Variants in TNS3 observed in about 807,000 individuals in gnomAD.
The protein encoded by TNS3 is tensin-3.
A neutral mutation model predicts 140.9 loss-of-function variants in TNS3; 45 were observed. That is an observed-to-expected ratio of 0.32 (90% CI 0.25 to 0.41). The LOEUF (loss-of-function observed/expected upper bound fraction) is 0.41, where lower values mean the gene tolerates loss of function less well. TNS3 is among the 10% of genes least tolerant of loss of function. The pLI is 1.00. For synonymous variants in TNS3, 815 were observed against 788.4 expected (o/e 1.03, Z -0.56); for missense variants, 1,716 against 1,906.7 (o/e 0.90, Z 1.86).
chr7:47,422,610 T>C (rs1794430444), intron 10 of TNS3, among the ~76,000 whole-genome samples: 1 of 147,140 alleles, frequency 6.8e-6, no homozygotes, highest in Non-Finnish European at 1.5e-5. Context: ...AACACTCTGT[T>C]TCAAAAAAAG....
chr7:47,312,219 C>G (rs1255327777), intron 20 of TNS3, among the ~76,000 whole-genome samples: 2 of 152,162 alleles, frequency 1.3e-5, no homozygotes, highest in Admixed American at 1.3e-4. Context: ...GCCCCTCCTC[C>G]CAGTATGGCC....
chr7:47,444,719 GC>G (rs1795641548), intron 4 of TNS3, among the ~76,000 whole-genome samples: 1 of 152,064 alleles, frequency 6.6e-6, no homozygotes. Flanking sequence ...ATCCAATTCA[GC>G]ATTATAGGCC....
chr7:47,309,415 A>G lies in TNS3; in HGVS notation c.2651-4412T>C, dbSNP rs181396775. On this transcript the variant is annotated intron_variant, in intron 20 of 30. Coordinates refer to ENST00000311160, the MANE Select transcript of TNS3 (RefSeq NM_022748.12). ...AAAAAGAGCAAAAAAAAAATATGCT[A>G]TGAGAGTATGTTTAAAACATAACTG... Among the ~76,000 whole-genome samples, 106 of 152,312 alleles carry G rather than the reference A, an allele frequency of 7.0e-4. 1 individual carries two copies. The highest frequency in any genetic ancestry group is 2.5e-3 in the African/African-American group (103 of 41,568).
At chr7:47,340,111 ATATATTTTTTT>A (rs1258297578) in intron 20 of TNS3, among the ~76,000 whole-genome samples, 1 of 42,354 alleles carries the variant, frequency 2.4e-5, no homozygotes, top group Non-Finnish European at 4.5e-5. Context: ...ATATATATAT[ATATATTTTTTT>A]TTTTTTTTTT....
chr7:47,521,989 C>T (rs912416311), intron 2 of TNS3, among the ~76,000 whole-genome samples: 2 of 152,132 alleles, frequency 1.3e-5, no homozygotes, highest in Admixed American at 6.5e-5. Flanking sequence ...GAGGTCTGCA[C>T]GGCGATGGAG....
intron 4 of TNS3, among the ~76,000 whole-genome samples, chr7:47,454,686 C>T (rs1266165967): frequency 6.6e-6 from 1 of 152,126 alleles, no homozygotes; most frequent in African/African-American, 2.4e-5. Context: ...TGACAGAAAA[C>T]AGGCCGAGCC....
In TNS3 at chr7:47,411,798, C is replaced by G. The variant is rs779298838; in HGVS notation, c.652G>C (p.Val218Leu). Residue 218 changes from valine (V) to leucine (L), a missense_variant, in exon 13 of 31, where the codon GTT becomes CTT. By Grantham distance (32) the Val-to-Leu change is conservative. This residue lies in a region of TNS3 where 337 missense variants were observed against 428.9 expected (regional missense o/e 0.79). Coordinates refer to ENST00000311160, the MANE Select transcript of TNS3 (RefSeq NM_022748.12). ...ATCCTGCTGGGGTTTTCTGGGCCAA[C>G]GTTGCTTTGGGATGAAGAAGAAGGT... ...QPVYTSGIYNVGPENPSRICI... is the reference protein window; with the variant it reads ...QPVYTSGIYNLGPENPSRICI... The G allele has an allele frequency of 3.0e-5, 48 of 1,613,172 alleles. No homozygotes were observed. The highest frequency in any genetic ancestry group is 3.9e-5 in the Non-Finnish European group (46 of 1,179,676).
chr7:47,342,994 C>A (rs1488953754), intron 20 of TNS3, among the ~76,000 whole-genome samples: 4 of 152,178 alleles, frequency 2.6e-5, no homozygotes, highest in Non-Finnish European at 5.9e-5. Context: ...CTGGGGACTG[C>A]TGAAATAAAA....
intron 16 of TNS3, among the ~76,000 whole-genome samples, chr7:47,390,116 C>G (rs1047119892): frequency 1.3e-5 from 2 of 152,180 alleles, no homozygotes; most frequent in South Asian, 2.1e-4. Context: ...CAACAAGGAC[C>G]GAGGCTGCAG....
At chr7:47,287,385 A>G (rs1339464430) in intron 27 of TNS3, among the ~76,000 whole-genome samples, 3 of 152,202 alleles carry the variant, frequency 2.0e-5, no homozygotes, top group African/African-American at 7.2e-5. Flanking sequence ...GTCTGCTAAT[A>G]TTTCTGAGTT....
rs1291697018 is a variant in TNS3 at position 47,303,158 on chromosome 7, T to G, written c.3249A>C (p.Pro1083=). ...VAPGHSSHHS[P]GLQGQGVTLP... is the part of the protein sequence containing the mutation. ...GGGTCACACCCTGGCCCTGCAGGCC[T>G]GGACTGTGGTGGCTGCTGTGTCCAG... The change falls in exon 22 of 31, where the codon CCA becomes CCC. Residue 1083 remains proline, a synonymous_variant. Coordinates refer to ENST00000311160, the MANE Select transcript of TNS3 (RefSeq NM_022748.12). 6.2e-7 allele frequency: 1 copy of G among 1,613,830 alleles called. No individual in the cohort carries two copies. The highest frequency in any genetic ancestry group is 1.7e-5 in the Admixed American group (1 of 60,016).
chr7:47,447,805 CG>C (rs1326731159), intron 4 of TNS3, among the ~76,000 whole-genome samples: 2 of 152,172 alleles, frequency 1.3e-5, no homozygotes, highest in African/African-American at 4.8e-5. Flanking sequence ...CCAAGACCAG[CG>C]GACAACTCTA....
intron 27 of TNS3, 26 bp from the exon 28 acceptor site, chr7:47,283,891 G>A (rs116908589): frequency 0.012 from 18,738 of 1,544,552 alleles, 162 homozygotes; most frequent in Non-Finnish European, 0.015. Context: ...GGAGACACAT[G>A]TTAGTTGCAA....
At chr7:47,511,380 C>T (rs1180758261) in intron 2 of TNS3, among the ~76,000 whole-genome samples, 1 of 151,842 alleles carries the variant, frequency 6.6e-6, no homozygotes, top group Non-Finnish European at 1.5e-5. Flanking sequence ...AAAAAAAATG[C>T]ACCTCCTCTC....
chr7:47,399,084 A>G (rs1470220313), intron 15 of TNS3, among the ~76,000 whole-genome samples: 1 of 149,834 alleles, frequency 6.7e-6, no homozygotes, highest in African/African-American at 2.4e-5. Flanking sequence ...ACAGCTGAAA[A>G]AAAAAAAAAA....
chr7:47,431,900 C>G (rs935295932), intron 8 of TNS3, among the ~76,000 whole-genome samples: 1 of 152,082 alleles, frequency 6.6e-6, no homozygotes, highest in Non-Finnish European at 1.5e-5. Context: ...AAGTACATAG[C>G]AATAAATTGG....
intron 3 of TNS3, among the ~76,000 whole-genome samples, chr7:47,500,009 G>A (rs917890633): frequency 1.3e-5 from 2 of 151,942 alleles, no homozygotes; most frequent in Non-Finnish European, 2.9e-5. Flanking sequence ...TCGATTTTGC[G>A]GCAAATCTGA....
At chr7:47,552,234 C>G (rs10254485) in intron 1 of TNS3, among the ~76,000 whole-genome samples, 62,690 of 151,942 alleles carry the variant, frequency 0.41, 13,257 homozygotes, top group Middle Eastern at 0.52. Flanking sequence ...TCTTGCCAAG[C>G]CAGGAAGCCG....
chr7:47,544,319 G>A (rs1020346405), intron 1 of TNS3, among the ~76,000 whole-genome samples: 15 of 152,102 alleles, frequency 9.9e-5, no homozygotes, highest in African/African-American at 2.9e-4. Flanking sequence ...TCACAAGCAC[G>A]GAGCACACCT....
Sources: gnomAD v4.1 joint callset for allele counts (sites outside exome capture counted in the v4.1 genomes callset) on GRCh38, gnomAD v4.1.1 for gene constraint, gnomAD v4.1.1 regional missense constraint, MANE v1.5 for transcripts, NCBI Gene and HGNC (gene_info 2026-07-23, HGNC 2026-07-21) for gene names.